Variants in SUGCT observed in about 807,000 individuals in gnomAD.
SUGCT encodes the protein succinyl-CoA:glutarate-CoA transferase.
In SUGCT, 41 loss-of-function variants were observed where a neutral mutation model predicts 55.0. That is an observed-to-expected ratio of 0.74 (90% CI 0.58 to 0.97). The LOEUF (loss-of-function observed/expected upper bound fraction) is 0.97. SUGCT is among the 50% of genes least tolerant of loss of function. The pLI, the probability that SUGCT is intolerant of heterozygous loss-of-function variation, is 0.00. For missense variants in SUGCT, 568 were observed against 547.8 expected, an observed-to-expected ratio of 1.04 and a Z score of -0.37; for synonymous variants, 187 against 200.4, an observed-to-expected ratio of 0.93 and a Z score of 0.56.
intron 13 of SUGCT, among the ~76,000 whole-genome samples, chr7:40,770,125 A>G (rs1789015583): frequency 6.6e-6 from 1 of 152,060 alleles, no homozygotes; most frequent in South Asian, 2.1e-4. Flanking sequence ...TGAACTTGTC[A>G]AGTTTCTTGA....
At chr7:40,192,361 T>G (rs1785965759) in intron 5 of SUGCT, among the ~76,000 whole-genome samples, 1 of 152,156 alleles carries the variant, frequency 6.6e-6, no homozygotes, top group African/African-American at 2.4e-5. Context: ...ATTGTGGCAA[T>G]ATGATTTGAT....
chr7:40,645,179 A>T (rs1800443062), intron 12 of SUGCT, among the ~76,000 whole-genome samples: 1 of 152,154 alleles, frequency 6.6e-6, no homozygotes, highest in South Asian at 2.1e-4. Flanking sequence ...CATGGGCTGC[A>T]TCTTAACTCC....
the SUGCT span, among the ~76,000 whole-genome samples, chr7:41,010,989 G>T: frequency 6.6e-6 from 1 of 152,150 alleles, no homozygotes; most frequent in Non-Finnish European, 1.5e-5. Flanking sequence ...CAAACAAAAA[G>T]AAATGATGGT....
chr7:40,204,363 C>T (rs1443137050), intron 6 of SUGCT, among the ~76,000 whole-genome samples: 8 of 149,822 alleles, frequency 5.3e-5, no homozygotes, highest in African/African-American at 1.2e-4. Context: ...AGTGCAGTGG[C>T]GCGATCTTGG....
intron 12 of SUGCT, among the ~76,000 whole-genome samples, chr7:40,662,474 C>T (rs1415024941): frequency 6.6e-6 from 1 of 152,228 alleles, no homozygotes; most frequent in South Asian, 2.1e-4. Context: ...CCTGCCTAGT[C>T]CTCTAACCCC....
At chr7:40,324,768 A>G (rs1364871400) in intron 9 of SUGCT, among the ~76,000 whole-genome samples, 1 of 152,164 alleles carries the variant, frequency 6.6e-6, no homozygotes, top group Non-Finnish European at 1.5e-5. Context: ...TTCAGGTGGT[A>G]TGCAATAGCT....
intron 12 of SUGCT, among the ~76,000 whole-genome samples, chr7:40,742,324 A>G (rs953225815): frequency 6.6e-6 from 1 of 152,114 alleles, no homozygotes; most frequent in African/African-American, 2.4e-5. Flanking sequence ...TTTACATGTG[A>G]TCTTCATTAT....
intron 12 of SUGCT, among the ~76,000 whole-genome samples, chr7:40,735,402 T>C (rs1328789789): frequency 6.6e-6 from 1 of 152,194 alleles, no homozygotes; most frequent in African/African-American, 2.4e-5. Context: ...CAAATGTAGC[T>C]TAAAGAGGAT....
chr7:40,752,780 A>G (rs1432500458), intron 13 of SUGCT, among the ~76,000 whole-genome samples: 3 of 152,240 alleles, frequency 2.0e-5, no homozygotes, highest in African/African-American at 7.2e-5. Context: ...GGAGTAAAAA[A>G]TTCACTTGAC....
At chr7:40,237,367 C>G (rs1789082116) in intron 6 of SUGCT, among the ~76,000 whole-genome samples, 1 of 151,912 alleles carries the variant, frequency 6.6e-6, no homozygotes, top group Non-Finnish European at 1.5e-5. Context: ...TCACTTGAAC[C>G]TGGGAGGTGG....
At chr7:40,459,670 A>G (rs1298004070) in intron 11 of SUGCT, among the ~76,000 whole-genome samples, 3 of 152,216 alleles carry the variant, frequency 2.0e-5, no homozygotes, top group Non-Finnish European at 1.5e-5. Flanking sequence ...AGGTGAAATC[A>G]AGAGTTGGTT....
At chr7:40,854,782 T>A (rs1269632184) in intron 13 of SUGCT, among the ~76,000 whole-genome samples, 1 of 151,830 alleles carries the variant, frequency 6.6e-6, no homozygotes, top group African/African-American at 2.4e-5. Context: ...AGATTTTTTT[T>A]TAAATTAGCC....
intron 6 of SUGCT, among the ~76,000 whole-genome samples, chr7:40,197,170 G>T (rs1276106286): frequency 6.6e-6 from 1 of 152,084 alleles, no homozygotes; most frequent in Non-Finnish European, 1.5e-5. Context: ...GACAGGTTCT[G>T]TACTTGGTAG....
intron 13 of SUGCT, among the ~76,000 whole-genome samples, chr7:40,787,526 C>T (rs1790073762): frequency 6.6e-6 from 1 of 151,924 alleles, no homozygotes; most frequent in Non-Finnish European, 1.5e-5. Flanking sequence ...GACTGAAAGA[C>T]AGAGAGAAGA....
chr7:40,363,456 A>G (rs1798255156), intron 9 of SUGCT, among the ~76,000 whole-genome samples: 1 of 152,116 alleles, frequency 6.6e-6, no homozygotes, highest in South Asian at 2.1e-4. Context: ...ATTTAGTACT[A>G]TAAATTTCCC....
intron 12 of SUGCT, among the ~76,000 whole-genome samples, chr7:40,515,875 A>G (rs1472502424): frequency 6.6e-6 from 1 of 152,220 alleles, no homozygotes; most frequent in Admixed American, 6.5e-5. Flanking sequence ...TATGTTGAAC[A>G]TTTTAAACCA....
At chr7:40,819,974 T>C (rs1302502371) in intron 13 of SUGCT, among the ~76,000 whole-genome samples, 1 of 152,232 alleles carries the variant, frequency 6.6e-6, no homozygotes, top group Admixed American at 6.5e-5. Flanking sequence ...GCTTTCTACA[T>C]ATGGCTAGCC....
intron 9 of SUGCT, among the ~76,000 whole-genome samples, chr7:40,324,240 A>ATATATATAT (rs1562681019): frequency 3.9e-5 from 2 of 51,632 alleles, no homozygotes; most frequent in African/African-American, 7.0e-5. Context: ...TATATAAATA[A>ATATATATAT]ATAAATAAAT....
the SUGCT span, among the ~76,000 whole-genome samples, chr7:40,879,516 T>C: frequency 6.6e-6 from 1 of 152,180 alleles, no homozygotes; most frequent in Non-Finnish European, 1.5e-5. Context: ...TACACAAAGA[T>C]TGTTAACATT....
Sources: gnomAD v4.1 joint callset for allele counts (sites outside exome capture counted in the v4.1 genomes callset) on GRCh38, gnomAD v4.1.1 for gene constraint, MANE v1.5 for transcripts, NCBI Gene and HGNC (gene_info 2026-07-23, HGNC 2026-07-21) for gene names.